ABTB3: variants seen among roughly 807,000 people sequenced by gnomAD.
The protein encoded by ABTB3 is ankyrin repeat- and BTB/POZ domain-containing protein 3.
At chr12:107,595,962 T>C in the ABTB3 span, among the ~76,000 whole-genome samples, 1 of 152,086 alleles carries the variant, frequency 6.6e-6, no homozygotes, top group Non-Finnish European at 1.5e-5. Context: ...TATTCACTTA[T>C]ATATTTATAA....
chr12:107,514,597 T>A, the ABTB3 span, among the ~76,000 whole-genome samples: 2 of 152,156 alleles, frequency 1.3e-5, no homozygotes, highest in Non-Finnish European at 2.9e-5. Context: ...CAGGCCTGCA[T>A]CTGACACTAA....
the ABTB3 span, among the ~76,000 whole-genome samples, chr12:107,637,009 A>C: frequency 6.6e-6 from 1 of 152,216 alleles, no homozygotes. Flanking sequence ...GTGGTGGCTC[A>C]CGCCTGTAAT....
the ABTB3 span, among the ~76,000 whole-genome samples, chr12:107,558,421 G>T: frequency 6.6e-6 from 1 of 152,166 alleles, no homozygotes; most frequent in African/African-American, 2.4e-5. Context: ...GGAGTTGATC[G>T]GTGCCTGAGC....
At chr12:107,495,882 G>A in the ABTB3 span, among the ~76,000 whole-genome samples, 1 of 152,168 alleles carries the variant, frequency 6.6e-6, no homozygotes, top group Non-Finnish European at 1.5e-5. Flanking sequence ...TTATTGCGAG[G>A]ATTACATGAC....
At chr12:107,495,528 T>A in the ABTB3 span, among the ~76,000 whole-genome samples, 1 of 152,310 alleles carries the variant, frequency 6.6e-6, no homozygotes, top group African/African-American at 2.4e-5. Context: ...TGGGACTCCA[T>A]CCCTAACGGG....
At chr12:107,380,634 T>C in the ABTB3 span, among the ~76,000 whole-genome samples, 5 of 152,276 alleles carry the variant, frequency 3.3e-5, no homozygotes, top group East Asian at 9.7e-4. Flanking sequence ...ACAAATTATT[T>C]TGGGGTGCCT....
At chr12:107,389,833 CAT>C in the ABTB3 span, among the ~76,000 whole-genome samples, 7 of 115,292 alleles carry the variant, frequency 6.1e-5, no homozygotes, top group African/African-American at 1.5e-4. Context: ...GATGCTGGGG[CAT>C]GTGTGTGTGT....
At chr12:107,445,699 A>G in the ABTB3 span, among the ~76,000 whole-genome samples, 2 of 152,140 alleles carry the variant, frequency 1.3e-5, no homozygotes, top group Non-Finnish European at 2.9e-5. Flanking sequence ...TGGAGGTCAG[A>G]AGCCCTAAAA....
chr12:107,337,178 G>A, the ABTB3 span, among the ~76,000 whole-genome samples: 2 of 152,234 alleles, frequency 1.3e-5, no homozygotes, highest in African/African-American at 2.4e-5. Flanking sequence ...GCGCAGCCCC[G>A]CTGTCTTCAG....
At chr12:107,610,239 G>T in the ABTB3 span, 1 of 1,614,136 alleles carries the variant, frequency 6.2e-7, no homozygotes, top group Non-Finnish European at 8.5e-7. Context: ...GGTGGCCATC[G>T]AAGCCAAGTT....
the ABTB3 span, among the ~76,000 whole-genome samples, chr12:107,640,965 C>T: frequency 1.3e-5 from 2 of 152,022 alleles, no homozygotes; most frequent in East Asian, 1.9e-4. Flanking sequence ...GAGGCTGGGG[C>T]GGAGGAGAGA....
chr12:107,326,699 G>A, the ABTB3 span, among the ~76,000 whole-genome samples: 1 of 152,168 alleles, frequency 6.6e-6, no homozygotes, highest in Non-Finnish European at 1.5e-5. Flanking sequence ...CCATGGTCCA[G>A]GGACCCATGA....
the ABTB3 span, among the ~76,000 whole-genome samples, chr12:107,633,422 C>G: frequency 6.6e-6 from 1 of 152,206 alleles, no homozygotes; most frequent in Non-Finnish European, 1.5e-5. Context: ...GACTAAAGCA[C>G]TAACCTTAAT....
chr12:107,450,350 G>A, the ABTB3 span, among the ~76,000 whole-genome samples: 2 of 152,162 alleles, frequency 1.3e-5, no homozygotes, highest in Non-Finnish European at 2.9e-5. Context: ...ATGGAGAAGA[G>A]AAGTACAAAT....
the ABTB3 span, among the ~76,000 whole-genome samples, chr12:107,326,232 G>GAA: frequency 6.6e-6 from 1 of 152,224 alleles, no homozygotes; most frequent in Non-Finnish European, 1.5e-5. Context: ...AGACAGTTCA[G>GAA]AAATCTCAGT....
At chr12:107,395,179 G>GCC in the ABTB3 span, among the ~76,000 whole-genome samples, 1 of 152,182 alleles carries the variant, frequency 6.6e-6, no homozygotes, top group African/African-American at 2.4e-5. Flanking sequence ...CACTGCCATT[G>GCC]AGTTGACCTG....
the ABTB3 span, among the ~76,000 whole-genome samples, chr12:107,475,337 C>A: frequency 6.6e-6 from 1 of 152,192 alleles, no homozygotes; most frequent in Non-Finnish European, 1.5e-5. Flanking sequence ...TCATCAAGTT[C>A]TCATGATTAC....
chr12:107,320,084 C>T, the ABTB3 span: 1 of 1,451,512 alleles, frequency 6.9e-7, no homozygotes, highest in Non-Finnish European at 9.2e-7. Context: ...CGGTAAGTGT[C>T]TGCGCGGGTG....
chr12:107,370,214 C>T, the ABTB3 span, among the ~76,000 whole-genome samples: 1 of 152,224 alleles, frequency 6.6e-6, no homozygotes, highest in African/African-American at 2.4e-5. Context: ...GTCACTGCCT[C>T]TTGTTCTCGC....
Sources: gnomAD v4.1 joint callset for allele counts (sites outside exome capture counted in the v4.1 genomes callset) on GRCh38, gnomAD v4.1.1 for gene constraint, MANE v1.5 for transcripts, NCBI Gene and HGNC (gene_info 2026-07-23, HGNC 2026-07-21) for gene names.